Variants in TBCE observed in about 807,000 individuals in gnomAD.
TBCE encodes the protein tubulin folding cofactor E.
In TBCE, 53 loss-of-function variants were observed where a neutral mutation model predicts 77.0. The observed-to-expected ratio is 0.69, with a 90% confidence interval of 0.55 to 0.87. TBCE has a LOEUF of 0.87. Ranked by LOEUF, TBCE falls within the 40% of genes least tolerant of loss-of-function variation. The pLI, the probability that TBCE is intolerant of heterozygous loss-of-function variation, is 0.00. For missense variants in TBCE, 624 were observed against 622.4 expected (o/e 1.00, Z -0.03); for synonymous variants, 235 against 241.3 (o/e 0.97, Z 0.24).
chr1:235,420,233 G>C (rs1345679082), intron 5 of TBCE, among the ~76,000 whole-genome samples: 2 of 152,196 alleles, frequency 1.3e-5, no homozygotes, highest in Non-Finnish European at 2.9e-5. Flanking sequence ...TGGGAGAGCA[G>C]AGGAGAGGGA....
Position 235,448,817 on chromosome 1 carries a change from G to A in TBCE, c.*55G>A, listed in dbSNP as rs970219007. ...CTGCTTATCGTGTCTGGGGTTCACC[G>A]GAAATAAATGATTCACTGGAACAAT... On this transcript the variant is annotated 3_prime_UTR_variant, in exon 17 of 17. Transcript: ENST00000642610. 88 of 1,249,706 alleles carry A rather than the reference G, an allele frequency of 7.0e-5. No individual in the cohort carries two copies. Among genetic ancestry groups the A allele is most frequent in the African/African-American group, 2.7e-4 (18 of 67,678 alleles). The allele number at this position is 1,249,706 out of a possible 1,614,324, so 77.4% of individuals were successfully genotyped here.
At chr1:235,375,382 C>T (rs1677234105) in intron 1 of TBCE, among the ~76,000 whole-genome samples, 3 of 152,134 alleles carry the variant, frequency 2.0e-5, no homozygotes, top group Non-Finnish European at 2.9e-5. Flanking sequence ...GAGCAACATG[C>T]CACTCACATT....
At chr1:235,382,195 T>G (rs1677714963) in intron 2 of TBCE, among the ~76,000 whole-genome samples, 2 of 151,592 alleles carry the variant, frequency 1.3e-5, no homozygotes, top group Non-Finnish European at 2.9e-5. Flanking sequence ...GTGCCACATT[T>G]TCTTAATCCA....
At chr1:235,442,238 T>G (rs1234837214) in intron 14 of TBCE, among the ~76,000 whole-genome samples, 1 of 152,172 alleles carries the variant, frequency 6.6e-6, no homozygotes, top group Non-Finnish European at 1.5e-5. Flanking sequence ...TGGCACGATC[T>G]TGGCTCACCG....
chr1:235,384,857 G>C (rs1212051116), intron 2 of TBCE, among the ~76,000 whole-genome samples: 1 of 150,968 alleles, frequency 6.6e-6, no homozygotes, highest in East Asian at 1.9e-4. Flanking sequence ...CCTTCTGCTA[G>C]CTTTTGAATG....
In TBCE at chr1:235,436,442, C is replaced by T. The variant is rs549358853; in HGVS notation, c.890C>T (p.Ala297Val). 1 of 1,613,966 alleles carries T rather than the reference C, an allele frequency of 6.2e-7. No individual in the cohort carries two copies. Among genetic ancestry groups the T allele is most frequent in the South Asian group, 1.1e-5 (1 of 91,076 alleles). ...TGISSLHFPD[A>V]GIGCKTSMFP... ...ATTTCTTCTCTACATTTTCCGGATG[C>T]TGGAATTGGTATATAAGATTAGTAA... The change falls in exon 10 of 17, where the codon GCT (alanine) becomes GTT (valine). Residue 297 changes from alanine (A) to valine (V), a missense_variant. Coordinates refer to ENST00000642610, the MANE Select transcript of TBCE (RefSeq NM_003193.5).
chr1:235,425,519 T>A (rs1680660909), intron 5 of TBCE, among the ~76,000 whole-genome samples: 1 of 152,146 alleles, frequency 6.6e-6, no homozygotes, highest in South Asian at 2.1e-4. Context: ...ATAATATAGA[T>A]CAAAGTCAAA....
At chr1:235,371,142 C>T (rs1201167540) in intron 1 of TBCE, among the ~76,000 whole-genome samples, 4 of 147,032 alleles carry the variant, frequency 2.7e-5, no homozygotes, top group African/African-American at 5.0e-5. Flanking sequence ...CCGCAACCTC[C>T]GCCTCCTGGC....
chr1:235,448,220 C>CTCAAAA, intron 15 of TBCE, 129 bp from the exon 16 acceptor site: 1 of 527,200 alleles, frequency 1.9e-6, no homozygotes, highest in South Asian at 1.9e-5. Flanking sequence ...AAGTCAGTCT[C>CTCAAAA]AAAAAAAAAA....
At chr1:235,424,421 G>C (rs1272106141) in intron 5 of TBCE, among the ~76,000 whole-genome samples, 1 of 65,944 alleles carries the variant, frequency 1.5e-5, no homozygotes, top group Non-Finnish European at 2.5e-5. Context: ...TGGCACCCAG[G>C]TTCAAGGATT....
intron 3 of TBCE, among the ~76,000 whole-genome samples, chr1:235,402,029 A>G (rs938240642): frequency 4.0e-5 from 6 of 151,228 alleles, no homozygotes; most frequent in Middle Eastern, 3.4e-3. Flanking sequence ...ATTTCTTATC[A>G]TAGGAAGAGT....
rs1682904651 is a variant in TBCE at position 235,451,594 on chromosome 1, A to T, written c.*2832A>T. 1 of 152,190 alleles carries T rather than the reference A, an allele frequency of 6.6e-6. No individual in the cohort carries two copies. The highest frequency in any genetic ancestry group is 2.4e-5 in the African/African-American group (1 of 41,460). 9.4% of individuals were successfully genotyped at this position (152,190 alleles called of 1,614,324 possible). A position where few individuals can be genotyped will look rare whatever the true frequency, so the allele number is the denominator to read the frequency against. On this transcript the variant is annotated 3_prime_UTR_variant, in exon 17 of 17. Coordinates refer to ENST00000642610, the MANE Select transcript of TBCE (RefSeq NM_003193.5). ...ACAGATCCCAGAATTACCAGATACA[A>T]AAAAGAATTATATTCAAAGATGAGA...
chr1:235,387,038 G>A (rs1442896721), intron 2 of TBCE, among the ~76,000 whole-genome samples: 6 of 152,210 alleles, frequency 3.9e-5, no homozygotes, highest in Non-Finnish European at 8.8e-5. Context: ...TCAGCTGCAG[G>A]TCTGTTGGAG....
At chr1:235,394,819 C>T (rs992435226) in intron 2 of TBCE, among the ~76,000 whole-genome samples, 2 of 152,054 alleles carry the variant, frequency 1.3e-5, no homozygotes, top group South Asian at 2.1e-4. Flanking sequence ...CCCAAGTGAT[C>T]GTCCCACCTC....
At chr1:235,444,992 C>T (rs1682147895) in intron 15 of TBCE, among the ~76,000 whole-genome samples, 1 of 152,270 alleles carries the variant, frequency 6.6e-6, no homozygotes, top group African/African-American at 2.4e-5. Flanking sequence ...GTACACCTGA[C>T]TGGTATCCCA....
chr1:235,375,840 C>T (rs1335199462), intron 1 of TBCE, among the ~76,000 whole-genome samples: 4 of 151,766 alleles, frequency 2.6e-5, no homozygotes, highest in African/African-American at 4.8e-5. Flanking sequence ...GTCAGGAGTT[C>T]GAGACCAGCC....
chr1:235,397,948 C>A (rs937131140), intron 2 of TBCE, among the ~76,000 whole-genome samples: 1 of 152,096 alleles, frequency 6.6e-6, no homozygotes, highest in African/African-American at 2.4e-5. Flanking sequence ...CTTGCTAAAC[C>A]ATAGATATTC....
In TBCE at chr1:235,380,075, T is replaced by C. The variant is rs1479973407; in HGVS notation, c.26T>C (p.Val9Ala). 2 of 1,613,944 alleles carry C rather than the reference T, an allele frequency of 1.2e-6. No individual in the cohort carries two copies. The highest frequency in any genetic ancestry group is 4.5e-5 in the East Asian group (2 of 44,880). The change falls in exon 2 of 17, where the codon GTC (valine) becomes GCC (alanine). Residue 9 changes from valine (V) to alanine (A), a missense_variant. Val to Ala is a moderately conservative substitution (Grantham distance 64, BLOSUM62 0). Transcript: ENST00000642610. ...ATGAGTGACACTTTGACAGCGGATGTCATTGGTCGAAGAGTTGAAGTTAAT... is the reference window on the plus strand; with the variant it reads ...ATGAGTGACACTTTGACAGCGGATGCCATTGGTCGAAGAGTTGAAGTTAAT... The part of the protein sequence containing the change: MSDTLTAD[V>A]IGRRVEVNGE...
At position 235,448,752 on chromosome 1, in the gene TBCE, T is replaced by G; in HGVS notation, c.1574T>G (p.Val525Gly). The change falls in exon 17 of 17, where the codon GTG becomes GGG. Residue 525 changes from valine to glycine, a missense_variant. Physicochemically the swap from Val to Gly is moderately radical, Grantham distance 109 (BLOSUM62 -3). Coordinates refer to ENST00000642610, the MANE Select transcript of TBCE (RefSeq NM_003193.5). ...GTGGAAAATGGAGATTGTCTATTAGTGCGATGGTGACAACCAACTAATAAA... is the reference window on the plus strand; with the variant it reads ...GTGGAAAATGGAGATTGTCTATTAGGGCGATGGTGACAACCAACTAATAAA... ...YSVENGDCLL[V>G]RW 6.2e-7 allele frequency: 1 copy of G among 1,612,316 alleles called. No individual in the cohort carries two copies. The highest frequency in any genetic ancestry group is 8.5e-7 in the Non-Finnish European group (1 of 1,178,460).
Sources: allele counts gnomAD v4.1 joint callset (sites outside exome capture counted in the v4.1 genomes callset), GRCh38; gene constraint gnomAD v4.1.1; transcripts MANE v1.5; gene names NCBI Gene and HGNC (gene_info 2026-07-23, HGNC 2026-07-21).